NECAB1: variants seen among roughly 807,000 people sequenced by gnomAD.
NECAB1 encodes the protein N-terminal EF-hand calcium binding protein 1, also known as N-terminal EF-hand calcium-binding protein 1.
A neutral mutation model predicts 57.5 loss-of-function variants in NECAB1; 29 were observed. That is an observed-to-expected ratio of 0.50 (90% CI 0.38 to 0.69). NECAB1 has a LOEUF of 0.69. NECAB1 is among the 30% of genes least tolerant of loss of function. The pLI is 0.00. For synonymous variants in NECAB1, 142 were observed against 147.7 expected (o/e 0.96, Z 0.28); for missense variants, 372 against 413.8 (o/e 0.90, Z 0.88).
rs577562717 is a variant in NECAB1, at chr8:90,839,319, C to T, written c.233+14494C>T. On this transcript the variant is annotated intron_variant, in intron 3 of 12. Coordinates refer to ENST00000417640, the MANE Select transcript of NECAB1 (RefSeq NM_022351.5). ...CTCTGAAGTCAACCCAAGTCTAACT[C>T]AATTTGTGAAGTCAGTTGTGTATTG... 2.6e-5 allele frequency among the ~76,000 whole-genome samples: 4 copies of T among 152,264 alleles called. No homozygotes were observed. In the South Asian group the frequency reaches 8.3e-4, roughly 32 times the overall value.
chr8:90,832,421 G>A (rs905613920), intron 3 of NECAB1, among the ~76,000 whole-genome samples: 4 of 152,074 alleles, frequency 2.6e-5, no homozygotes, highest in Admixed American at 2.6e-4. Flanking sequence ...ATAAAGGAGA[G>A]AATGTTAAAG....
At position 90,951,168 on chromosome 8, in the gene NECAB1, G is replaced by A. The variant is rs756975170; in HGVS notation, c.994G>A (p.Glu332Lys). The A allele has an allele frequency of 3.1e-6, 5 of 1,603,340 alleles. No homozygotes were observed. Among genetic ancestry groups the A allele is most frequent in the Non-Finnish European group, 1.7e-6 (2 of 1,174,500 alleles). The change falls in exon 12 of 13, where the codon GAA becomes AAA. Residue 332 changes from glutamate to lysine, a missense_variant. By Grantham distance (56) the Glu-to-Lys change is moderately conservative. Transcript: ENST00000417640. ...CCAAAGAAGTAATGTGGATTTCTTG[G>A]AAACTCCAGAACTCACATCTACAAT... Reference protein sequence around the residue: ...TFQRSNVDFLETPELTSTMLV... With the variant: ...TFQRSNVDFLKTPELTSTMLV...
intron 5 of NECAB1, among the ~76,000 whole-genome samples, chr8:90,908,130 A>T (rs534708261): frequency 6.6e-6 from 1 of 152,322 alleles, no homozygotes; most frequent in African/African-American, 2.4e-5. Context: ...ACTGTGGTTA[A>T]AATAGAACTA....
intron 5 of NECAB1, among the ~76,000 whole-genome samples, chr8:90,885,095 C>T (rs1025629473): frequency 3.3e-5 from 5 of 152,180 alleles, no homozygotes; most frequent in Admixed American, 6.5e-5. Flanking sequence ...GAGATGAGAG[C>T]CCTAACCCTT....
chr8:90,945,308 C>T (rs1172934787), intron 10 of NECAB1, among the ~76,000 whole-genome samples: 2 of 152,090 alleles, frequency 1.3e-5, no homozygotes, highest in Admixed American at 6.5e-5. Context: ...CTTCGTGATC[C>T]GCCCGCCTCA....
At chr8:90,947,404 TTC>T (rs1237866736) in intron 10 of NECAB1, among the ~76,000 whole-genome samples, 29 of 97,606 alleles carry the variant, frequency 3.0e-4, no homozygotes, top group African/African-American at 1.3e-3. Flanking sequence ...TTTTTTTTTT[TTC>T]TTTTTTTTTT....
intron 7 of NECAB1, among the ~76,000 whole-genome samples, chr8:90,927,391 T>C (rs1350013679): frequency 6.6e-6 from 1 of 152,068 alleles, no homozygotes; most frequent in Non-Finnish European, 1.5e-5. Context: ...CAAGGCTTTA[T>C]AGTCTTGAAT....
At chr8:90,894,087 C>A (rs1055699442) in intron 5 of NECAB1, among the ~76,000 whole-genome samples, 2 of 151,816 alleles carry the variant, frequency 1.3e-5, no homozygotes, top group Non-Finnish European at 2.9e-5. Context: ...ATGCTGATAA[C>A]CTAAAAAGCA....
rs534420566 is a variant in NECAB1, at chr8:90,917,322, G to A, written c.358-170G>A. Among the ~76,000 whole-genome samples the A allele has an allele frequency of 2.0e-5, 3 of 152,008 alleles. No individual in the cohort carries two copies. The South Asian group carries it at 6.3e-4, about 32-fold the overall frequency. On this transcript the variant is annotated intron_variant, in intron 5 of 12. Coordinates refer to ENST00000417640, the MANE Select transcript of NECAB1 (RefSeq NM_022351.5). ...TTTTTTATTCATCTCCTGGTGGGTGGATGAGAGTGATGCTGTAGCCTCCAG... is the reference window on the plus strand; with the variant it reads ...TTTTTTATTCATCTCCTGGTGGGTGAATGAGAGTGATGCTGTAGCCTCCAG...
chr8:90,835,670 A>G (rs1256541317), intron 3 of NECAB1, among the ~76,000 whole-genome samples: 2 of 152,160 alleles, frequency 1.3e-5, no homozygotes, highest in African/African-American at 4.8e-5. Context: ...ATTTAATTAC[A>G]TAATATCTTC....
intron 5 of NECAB1, among the ~76,000 whole-genome samples, chr8:90,894,032 G>A (rs908334328): frequency 1.3e-5 from 2 of 152,122 alleles, no homozygotes; most frequent in African/African-American, 2.4e-5. Context: ...ATAGGCATAG[G>A]TGAGTAATAT....
intron 4 of NECAB1, among the ~76,000 whole-genome samples, chr8:90,878,906 CCT>C (rs60624653): frequency 3.4e-5 from 5 of 147,078 alleles, no homozygotes; most frequent in South Asian, 2.1e-4. Flanking sequence ...AGAGGCTTTA[CCT>C]CTCTCTCTCT....
chr8:90,792,119 T>C (rs765697383), intron 1 of NECAB1, 134 bp downstream of exon 1: 14 of 686,590 alleles, frequency 2.0e-5, no homozygotes, highest in Non-Finnish European at 3.5e-5. Flanking sequence ...CCGATGCAAA[T>C]GCAGGAGGAA....
At chr8:90,812,117 C>G (rs1408837525) in intron 2 of NECAB1, among the ~76,000 whole-genome samples, 1 of 152,128 alleles carries the variant, frequency 6.6e-6, no homozygotes, top group East Asian at 1.9e-4. Context: ...GCTGAAAAAG[C>G]AGTGATTATC....
At chr8:90,792,009 G>A (rs1357126308) in intron 1 of NECAB1, 24 bp downstream of exon 1, 1 of 1,540,980 alleles carries the variant, frequency 6.5e-7, no homozygotes. Context: ...GTGGGAGCTG[G>A]GCGGTTGCTT....
intron 3 of NECAB1, among the ~76,000 whole-genome samples, chr8:90,858,707 C>T (rs976768969): frequency 4.0e-5 from 6 of 151,562 alleles, no homozygotes; most frequent in African/African-American, 1.5e-4. Flanking sequence ...AATATTGGGG[C>T]CAAACAGCAT....
intron 12 of NECAB1, among the ~76,000 whole-genome samples, chr8:90,955,110 AAT>A (rs1491123457): frequency 1.0e-5 from 1 of 97,716 alleles, no homozygotes; most frequent in Non-Finnish European, 1.9e-5. Flanking sequence ...TGGGTATATA[AAT>A]TATATATATA....
intron 3 of NECAB1, among the ~76,000 whole-genome samples, chr8:90,871,075 C>A (rs1808613864): frequency 6.6e-6 from 1 of 152,124 alleles, no homozygotes; most frequent in South Asian, 2.1e-4. Context: ...CAATGCCTCT[C>A]CTGGTTAGCA....
chr8:90,821,905 T>C (rs1812149860), intron 2 of NECAB1, among the ~76,000 whole-genome samples: 1 of 151,776 alleles, frequency 6.6e-6, no homozygotes, highest in South Asian at 2.1e-4. Flanking sequence ...AAACTAAAGA[T>C]TTTTTTATCC....
Sources: allele counts gnomAD v4.1 joint callset (sites outside exome capture counted in the v4.1 genomes callset), GRCh38; gene constraint gnomAD v4.1.1; transcripts MANE v1.5; gene names NCBI Gene and HGNC (gene_info 2026-07-23, HGNC 2026-07-21).